Variants in ABTB3 observed in about 807,000 individuals in gnomAD.
ABTB3 encodes the protein ankyrin repeat and BTB domain containing 3.
the ABTB3 span, among the ~76,000 whole-genome samples, chr12:107,453,091 A>T: frequency 6.6e-6 from 1 of 152,152 alleles, no homozygotes; most frequent in Non-Finnish European, 1.5e-5. Context: ...AGGGAATCGC[A>T]TGTGTAAGGA....
chr12:107,434,779 G>A, the ABTB3 span, among the ~76,000 whole-genome samples: 1 of 151,926 alleles, frequency 6.6e-6, no homozygotes, highest in Non-Finnish European at 1.5e-5. Context: ...TGGGAGGATC[G>A]CTTGAGCTCA....
At chr12:107,522,165 C>T in the ABTB3 span, among the ~76,000 whole-genome samples, 671 of 152,046 alleles carry the variant, frequency 4.4e-3, 5 homozygotes, top group African/African-American at 0.015. Context: ...CATGACGATC[C>T]GCCCTCATGG....
At chr12:107,649,308 G>T in the ABTB3 span, 1 of 1,581,932 alleles carries the variant, frequency 6.3e-7, no homozygotes, top group Non-Finnish European at 8.7e-7. Context: ...GCTATCATAG[G>T]TCCCTTGGGT....
the ABTB3 span, among the ~76,000 whole-genome samples, chr12:107,392,950 A>C: frequency 6.6e-6 from 1 of 152,226 alleles, no homozygotes; most frequent in African/African-American, 2.4e-5. Context: ...TGAAGGCTGC[A>C]GAAGGTGAAG....
At chr12:107,623,294 C>T in the ABTB3 span, among the ~76,000 whole-genome samples, 3 of 148,878 alleles carry the variant, frequency 2.0e-5, no homozygotes, top group East Asian at 2.0e-4. Flanking sequence ...CTCTTGACCT[C>T]GTGATCTGCC....
chr12:107,497,683 A>C, the ABTB3 span, among the ~76,000 whole-genome samples: 1 of 152,166 alleles, frequency 6.6e-6, no homozygotes, highest in African/African-American at 2.4e-5. Flanking sequence ...CATTTCTCGC[A>C]ATCATTCTCT....
chr12:107,547,915 T>C, the ABTB3 span, among the ~76,000 whole-genome samples: 4 of 152,220 alleles, frequency 2.6e-5, no homozygotes, highest in Admixed American at 2.6e-4. Flanking sequence ...ACTCATATTA[T>C]ACTTTTTGGG....
chr12:107,594,875 G>A, the ABTB3 span, among the ~76,000 whole-genome samples: 2 of 152,062 alleles, frequency 1.3e-5, no homozygotes, highest in Non-Finnish European at 2.9e-5. Context: ...CTACACCAGG[G>A]TCTTTCAACC....
At chr12:107,644,972 C>CTTTTTTTTTT in the ABTB3 span, among the ~76,000 whole-genome samples, 3 of 127,194 alleles carry the variant, frequency 2.4e-5, no homozygotes, top group Non-Finnish European at 3.2e-5. Flanking sequence ...TCAAAATTCA[C>CTTTTTTTTTT]TTTTTTTTTT....
At chr12:107,627,448 C>G in the ABTB3 span, among the ~76,000 whole-genome samples, 1 of 152,198 alleles carries the variant, frequency 6.6e-6, no homozygotes, top group African/African-American at 2.4e-5. Flanking sequence ...CCTATGTTAG[C>G]GATGATAGCC....
chr12:107,573,751 G>A, the ABTB3 span, among the ~76,000 whole-genome samples: 1 of 152,140 alleles, frequency 6.6e-6, no homozygotes, highest in African/African-American at 2.4e-5. Context: ...AAATGTATTC[G>A]ACTGGCAGAA....
the ABTB3 span, among the ~76,000 whole-genome samples, chr12:107,339,119 C>T: frequency 1.4e-4 from 21 of 152,292 alleles, no homozygotes; most frequent in Admixed American, 3.3e-4. Context: ...TTCTGCAGGT[C>T]GGATAACCCC....
the ABTB3 span, among the ~76,000 whole-genome samples, chr12:107,389,577 A>T: frequency 6.6e-6 from 1 of 152,170 alleles, no homozygotes; most frequent in Non-Finnish European, 1.5e-5. Flanking sequence ...GTCCAGAGTG[A>T]CTATTTTGGT....
the ABTB3 span, among the ~76,000 whole-genome samples, chr12:107,500,170 G>A: frequency 6.6e-6 from 1 of 152,170 alleles, no homozygotes; most frequent in African/African-American, 2.4e-5. Context: ...GGTAGGACAA[G>A]CTCTATTTAT....
the ABTB3 span, among the ~76,000 whole-genome samples, chr12:107,594,015 C>T: frequency 2.4e-4 from 36 of 152,308 alleles, no homozygotes; most frequent in East Asian, 6.6e-3. Context: ...AAATTCAAGA[C>T]CTGCAGCAAC....
At chr12:107,326,586 C>A in the ABTB3 span, among the ~76,000 whole-genome samples, 3 of 152,194 alleles carry the variant, frequency 2.0e-5, no homozygotes, top group Non-Finnish European at 4.4e-5. Context: ...AACACATTCT[C>A]TTTTCCCTAA....
the ABTB3 span, among the ~76,000 whole-genome samples, chr12:107,588,202 T>G: frequency 6.6e-6 from 1 of 152,224 alleles, no homozygotes; most frequent in Non-Finnish European, 1.5e-5. Context: ...CTTAACTTGA[T>G]TATATCTGCA....
At chr12:107,378,221 A>C in the ABTB3 span, among the ~76,000 whole-genome samples, 1 of 152,186 alleles carries the variant, frequency 6.6e-6, no homozygotes, top group South Asian at 2.1e-4. Flanking sequence ...GGCTATAGGC[A>C]GACATGGTCT....
At chr12:107,455,292 C>T in the ABTB3 span, among the ~76,000 whole-genome samples, 1 of 152,178 alleles carries the variant, frequency 6.6e-6, no homozygotes, top group African/African-American at 2.4e-5. Context: ...AATACTTTAA[C>T]ATCTGCATTT....
Sources: allele counts gnomAD v4.1 joint callset (sites outside exome capture counted in the v4.1 genomes callset), GRCh38; gene constraint gnomAD v4.1.1; transcripts MANE v1.5; gene names NCBI Gene and HGNC (gene_info 2026-07-23, HGNC 2026-07-21).